The following XNDC1N variants were observed in gnomAD, a reference collection of about 807,000 sequenced individuals.
XNDC1N encodes the protein protein XNDC1N.
chr11:71,885,943 TA>T, the XNDC1N span, among the ~76,000 whole-genome samples: 1 of 151,076 alleles, frequency 6.6e-6, no homozygotes, highest in Admixed American at 6.6e-5. Context: ...TATTGATTTT[TA>T]AAAATATTAT....
the XNDC1N span, chr11:71,884,604 T>A: frequency 6.4e-7 from 1 of 1,558,778 alleles, no homozygotes; most frequent in Non-Finnish European, 8.7e-7. Context: ...AGAAAAAACA[T>A]GTCTTAAACT....
chr11:71,890,866 C>G, the XNDC1N span, among the ~76,000 whole-genome samples: 11,067 of 151,952 alleles, frequency 0.073, 655 homozygotes, highest in African/African-American at 0.16. Flanking sequence ...TCATAGAATT[C>G]TCTCTCCCCT....
At chr11:71,908,613 G>A in the XNDC1N span, among the ~76,000 whole-genome samples, 3 of 152,174 alleles carry the variant, frequency 2.0e-5, no homozygotes, top group East Asian at 5.8e-4. Flanking sequence ...TTGGGTACCA[G>A]CCCTTCACCT....
At chr11:71,898,815 CG>C in the XNDC1N span, among the ~76,000 whole-genome samples, 1 of 151,970 alleles carries the variant, frequency 6.6e-6, no homozygotes, top group Non-Finnish European at 1.5e-5. Flanking sequence ...ACAATGTGAA[CG>C]TACTTAATGT....
At chr11:71,917,247 C>T in the XNDC1N span, 1 of 663,074 alleles carries the variant, frequency 1.5e-6, no homozygotes, top group South Asian at 1.6e-5. Flanking sequence ...CTCCTGACCT[C>T]AGATGATCCA....
the XNDC1N span, among the ~76,000 whole-genome samples, chr11:71,899,329 G>A: frequency 1.3e-5 from 2 of 152,138 alleles, no homozygotes; most frequent in Non-Finnish European, 2.9e-5. Flanking sequence ...CCTGTTCTCC[G>A]TGGTCATGGC....
chr11:71,897,318 C>T, the XNDC1N span, among the ~76,000 whole-genome samples: 1 of 152,094 alleles, frequency 6.6e-6, no homozygotes, highest in African/African-American at 2.4e-5. Flanking sequence ...AATATATTTG[C>T]AAAGCATATA....
the XNDC1N span, among the ~76,000 whole-genome samples, chr11:71,898,554 G>T: frequency 2.6e-5 from 4 of 152,040 alleles, no homozygotes; most frequent in East Asian, 7.8e-4. Flanking sequence ...TTGCAGTGAG[G>T]CGACATCACG....
the XNDC1N span, chr11:71,917,615 C>G: frequency 2.0e-5 from 14 of 703,698 alleles, no homozygotes; most frequent in Middle Eastern, 2.3e-4. Context: ...CTTTTGCCCT[C>G]TTTACCATCT....
At chr11:71,924,404 C>T in the XNDC1N span, among the ~76,000 whole-genome samples, 2 of 151,792 alleles carry the variant, frequency 1.3e-5, no homozygotes, top group Non-Finnish European at 2.9e-5. Flanking sequence ...CTGGACCGGG[C>T]GCGGTGGCTT....
the XNDC1N span, chr11:71,928,119 G>T: frequency 3.5e-6 from 1 of 282,298 alleles, no homozygotes; most frequent in Non-Finnish European, 6.8e-6. Flanking sequence ...AGAAGCTGGG[G>T]CCGCAGGATG....
the XNDC1N span, chr11:71,928,388 C>A: frequency 1.5e-6 from 1 of 685,322 alleles, no homozygotes. Context: ...CCTCGAGGAG[C>A]CACCGTTGCC....
At chr11:71,913,917 C>G in the XNDC1N span, among the ~76,000 whole-genome samples, 11 of 152,332 alleles carry the variant, frequency 7.2e-5, no homozygotes, top group African/African-American at 2.6e-4. Context: ...GATGACAGCA[C>G]ATCAGTTTAC....
chr11:71,913,031 C>T, the XNDC1N span, among the ~76,000 whole-genome samples: 1 of 152,064 alleles, frequency 6.6e-6, no homozygotes, highest in Non-Finnish European at 1.5e-5. Flanking sequence ...GTGTACATTC[C>T]CTGCGATATT....
At chr11:71,905,148 T>C in the XNDC1N span, among the ~76,000 whole-genome samples, 11 of 152,014 alleles carry the variant, frequency 7.2e-5, no homozygotes, top group Admixed American at 7.2e-4. Flanking sequence ...ACACACAATG[T>C]GTACACCATG....
At chr11:71,901,864 CAT>C in the XNDC1N span, among the ~76,000 whole-genome samples, 1 of 152,154 alleles carries the variant, frequency 6.6e-6, no homozygotes, top group African/African-American at 2.4e-5. Context: ...GTGACGGATG[CAT>C]AAAGTAAAGG....
chr11:71,911,773 G>A, the XNDC1N span, among the ~76,000 whole-genome samples: 1 of 152,204 alleles, frequency 6.6e-6, no homozygotes, highest in Non-Finnish European at 1.5e-5. Context: ...CCACAAGGTG[G>A]CAGTTATGCA....
the XNDC1N span, among the ~76,000 whole-genome samples, chr11:71,887,077 A>G: frequency 1.3e-5 from 2 of 152,192 alleles, no homozygotes; most frequent in African/African-American, 4.8e-5. Context: ...AGGGTTCTTG[A>G]ACTGAGGGAG....
At chr11:71,865,734 T>A in the XNDC1N span, 75 of 374,586 alleles carry the variant, frequency 2.0e-4, 1 homozygote, top group South Asian at 1.6e-3. Context: ...GAGCAATGTG[T>A]CTGATCTCCA....
Sources: allele counts gnomAD v4.1 joint callset (sites outside exome capture counted in the v4.1 genomes callset), GRCh38; gene constraint gnomAD v4.1.1; transcripts MANE v1.5; gene names NCBI Gene and HGNC (gene_info 2026-07-23, HGNC 2026-07-21).